The following ASB2 variants were observed in gnomAD, a reference collection of about 807,000 sequenced individuals.
ASB2 encodes ankyrin repeat and SOCS box containing 2.
In ASB2, 58 loss-of-function variants were observed where a neutral mutation model predicts 62.4. The observed-to-expected ratio is 0.93, with a 90% CI of 0.75 to 1.16. The LOEUF (loss-of-function observed/expected upper bound fraction) is 1.16. ASB2 is among the 50% of genes most tolerant of loss of function. The pLI is 0.00. For synonymous variants in ASB2, 386 were observed against 385.3 expected (o/e 1.00, Z -0.02); for missense variants, 928 against 887.9 (o/e 1.05, Z -0.57).
At chr14:93,938,878 C>T (rs970469730) in intron 8 of ASB2, among the ~76,000 whole-genome samples, 2 of 152,182 alleles carry the variant, frequency 1.3e-5, no homozygotes, top group African/African-American at 2.4e-5. Context: ...CCCTCCAAAG[C>T]TCCCTCCAAA....
chr14:93,951,748 A>C (rs1474759151), intron 5 of ASB2, among the ~76,000 whole-genome samples: 2 of 152,210 alleles, frequency 1.3e-5, no homozygotes, highest in Non-Finnish European at 2.9e-5. Flanking sequence ...CCACATTACC[A>C]AGGCTGGAAG....
Position 93,964,598 on chromosome 14 carries a change from G to A in ASB2, c.-59C>T. 1.3e-6 allele frequency: 2 copies of A among 1,487,238 alleles called. No homozygotes were observed. Among genetic ancestry groups the A allele is most frequent in the South Asian group, 2.4e-5 (2 of 83,160 alleles). 92.1% of individuals were successfully genotyped at this position (1,487,238 alleles called of 1,614,324 possible). ...GACACCCAGTGGGGAGGAGGGAACA[G>A]CAAATCAGAAAACCCTGTGAGGAAA... is the stretch of plus-strand genomic sequence containing the variant. On this transcript the variant is annotated 5_prime_UTR_variant, in exon 2 of 10. Coordinates refer to ENST00000555019, the MANE Select transcript of ASB2 (RefSeq NM_001202429.2).
In ASB2 at chr14:93,934,720, A is replaced by G; in HGVS notation, c.1844T>C (p.Leu615Pro). 6.2e-7 allele frequency: 1 copy of G among 1,614,032 alleles called. No homozygotes were observed. The highest frequency in any genetic ancestry group is 2.2e-5 in the East Asian group (1 of 44,890). Reference sequence around the variant, plus strand: ...GCCTGGGAGCGGCAAGGTGTCTAGGAGTTTTATACGGTATTTCCCAATGGC... The same window carrying G: ...GCCTGGGAGCGGCAAGGTGTCTAGGGGTTTTATACGGTATTTCCCAATGGC... ...RKAIGKYRIK[L>P]LDTLPLPGRL... The change falls in exon 10 of 10, where the codon CTC becomes CCC. Residue 615 changes from leucine to proline, a missense_variant. Leu to Pro is a moderately conservative substitution (Grantham distance 98, BLOSUM62 -3). Coordinates refer to ENST00000555019, the MANE Select transcript of ASB2 (RefSeq NM_001202429.2).
intron 7 of ASB2, among the ~76,000 whole-genome samples, chr14:93,943,215 C>T (rs1327332151): frequency 6.6e-6 from 1 of 152,152 alleles, no homozygotes; most frequent in South Asian, 2.1e-4. Context: ...GGCCCGTAGT[C>T]GGCAGTGAAT....
Position 93,934,270 on chromosome 14 carries a change from A to G in ASB2, c.*386T>C. 4.4e-6 allele frequency: 2 copies of G among 459,324 alleles called. No individual in the cohort carries two copies. Among genetic ancestry groups the G allele is most frequent in the Non-Finnish European group, 8.7e-6 (2 of 230,702 alleles). The allele number at this position is 459,324 out of a possible 1,614,324, so 28.5% of individuals were successfully genotyped here. The stretch of plus-strand genomic sequence containing the variant: ...CACGTCTTCATCTTAGTCTTTGGAG[A>G]GAAAGCTCTGAAGTCAAGTGGTGAG... On this transcript the variant is annotated 3_prime_UTR_variant, in exon 10 of 10. Coordinates refer to ENST00000555019, the MANE Select transcript of ASB2 (RefSeq NM_001202429.2).
chr14:93,941,759 C>T (rs1238968670), intron 7 of ASB2: 2 of 448,816 alleles, frequency 4.5e-6, no homozygotes, highest in African/African-American at 2.0e-5. Flanking sequence ...CACAGCTGGT[C>T]TCCGGCAGTT....
intron 9 of ASB2, 77 bp from the exon 10 acceptor site, chr14:93,934,869 T>A: frequency 7.9e-7 from 1 of 1,260,660 alleles, no homozygotes; most frequent in Non-Finnish European, 1.2e-6. Context: ...GACCCCAGCC[T>A]ATGGGAGGTG....
chr14:93,947,499 G>T lies in ASB2; in HGVS notation c.902C>A (p.Ala301Asp). 6.2e-7 allele frequency: 1 copy of T among 1,614,034 alleles called. No individual in the cohort carries two copies. The change falls in exon 7 of 10, where the codon GCC becomes GAC. Residue 301 changes from alanine (A) to aspartate (D), a missense_variant. Transcript: ENST00000555019. ...AKYGADINTQ[A>D]SDNASALYEA... ...GTAGAGGGCAGACGCGTTGTCGCTGGCCTGCGTGTTGATGTCAGCACCTGG... is the reference window on the plus strand; with the variant it reads ...GTAGAGGGCAGACGCGTTGTCGCTGTCCTGCGTGTTGATGTCAGCACCTGG...
chr14:93,934,870 A>G (rs1888218516), intron 9 of ASB2, 78 bp from the exon 10 acceptor site: 1 of 1,252,400 alleles, frequency 8.0e-7, no homozygotes, highest in African/African-American at 1.5e-5. Context: ...ACCCCAGCCT[A>G]TGGGAGGTGC....
intron 5 of ASB2, among the ~76,000 whole-genome samples, chr14:93,952,225 T>C (rs139443373): frequency 6.6e-6 from 1 of 152,306 alleles, no homozygotes; most frequent in East Asian, 1.9e-4. Flanking sequence ...AGTGAGACTG[T>C]GTGTAAGGCA....
chr14:93,953,459 A>G lies in ASB2; in HGVS notation c.527T>C (p.Val176Ala), dbSNP rs1016274803. The G allele has an allele frequency of 7.5e-6, 12 of 1,608,188 alleles. No individual in the cohort carries two copies. The Admixed American group carries it at 1.3e-4, about 18-fold the overall frequency. The change falls in exon 5 of 10, where the codon GTT becomes GCT. Residue 176 changes from valine to alanine, a missense_variant. By Grantham distance (64) the Val-to-Ala change is moderately conservative. Transcript: ENST00000555019. Reference sequence around the variant, plus strand: ...GTGGCCCCTGCACGTTGCCAAGTAAACGGCTGTTTCCTCCTGCAGGGTGCG... The same window carrying G: ...GTGGCCCCTGCACGTTGCCAAGTAAGCGGCTGTTTCCTCCTGCAGGGTGCG... ...DQRTLQEETA[V>A]YLATCRGHLD...
rs931183648 is a variant in ASB2, at chr14:93,954,473, G to A, written c.322C>T (p.Pro108Ser). 1.9e-6 allele frequency: 3 copies of A among 1,614,044 alleles called. No individual in the cohort carries two copies. The highest frequency in any genetic ancestry group is 2.5e-6 in the Non-Finnish European group (3 of 1,180,032). Residue 108 changes from proline to serine, a missense_variant, in exon 4 of 10, where the codon CCC becomes TCC. Pro to Ser is a moderately conservative substitution (Grantham distance 74). Coordinates refer to ENST00000555019, the MANE Select transcript of ASB2 (RefSeq NM_001202429.2). ...CCATCCTTGATGGCCTTTATCAAGGGGTCCGCAGGCCTGTGAGAGGAAGGA... is the reference window on the plus strand; with the variant it reads ...CCATCCTTGATGGCCTTTATCAAGGAGTCCGCAGGCCTGTGAGAGGAAGGA... Reference protein sequence around the residue: ...FKTSQLAPADPLIKAIKDGDE... With the variant: ...FKTSQLAPADSLIKAIKDGDE...
chr14:93,964,419 C>A lies in ASB2; in HGVS notation c.121G>T (p.Asp41Tyr). The A allele has an allele frequency of 6.5e-7, 1 of 1,536,138 alleles. No individual in the cohort carries two copies. The highest frequency in any genetic ancestry group is 8.7e-7 in the Non-Finnish European group (1 of 1,146,920). ...VQMAIEQSLA[D>Y]KTRGPTTAEA... Reference sequence around the variant, plus strand: ...GCAGTGGTTGGGCCCCTTGTCTTGTCCGCTAGGCTCTGCTCGATGGCCATC... The same window carrying A: ...GCAGTGGTTGGGCCCCTTGTCTTGTACGCTAGGCTCTGCTCGATGGCCATC... Residue 41 changes from aspartate (D) to tyrosine (Y), a missense_variant, in exon 2 of 10, where the codon GAC becomes TAC. Asp to Tyr is a radical substitution (Grantham distance 160). Coordinates refer to ENST00000555019, the MANE Select transcript of ASB2 (RefSeq NM_001202429.2).
intron 1 of ASB2, among the ~76,000 whole-genome samples, chr14:93,975,696 A>T (rs2141328280): frequency 1.3e-5 from 2 of 152,116 alleles, no homozygotes; most frequent in Middle Eastern, 6.8e-3. Context: ...GCCACATTTC[A>T]CTTTCCATCA....
intron 2 of ASB2, among the ~76,000 whole-genome samples, chr14:93,959,456 G>A (rs1228398228): frequency 6.6e-6 from 1 of 152,188 alleles, no homozygotes; most frequent in Non-Finnish European, 1.5e-5. Flanking sequence ...AGGGCCCCTG[G>A]CTGGGTTTCG....
chr14:93,972,708 C>A (rs1889794202), intron 1 of ASB2, among the ~76,000 whole-genome samples: 1 of 152,236 alleles, frequency 6.6e-6, no homozygotes. Flanking sequence ...AATGCTCTGA[C>A]CTTGGTAAGG....
Position 93,939,600 on chromosome 14 carries a change from C to A in ASB2, c.1125G>T (p.Leu375=). ...CCTCGTCGTGGTTGCGCTCGGCCGC[C>A]AGGTGCAGCGGACTGACGCCGCTAC... ...IRRSGVSPLH[L]AAERNHDEVL... Residue 375 remains leucine (L), a synonymous_variant, in exon 8 of 10, where the codon CTG becomes CTT. Coordinates refer to ENST00000555019, the MANE Select transcript of ASB2 (RefSeq NM_001202429.2). 1 of 1,566,938 alleles carries A rather than the reference C, an allele frequency of 6.4e-7. No homozygotes were observed. Among genetic ancestry groups the A allele is most frequent in the Non-Finnish European group, 8.6e-7 (1 of 1,162,508 alleles).
At chr14:93,953,542 A>G (rs4243701) in intron 4 of ASB2, 35 bp from the exon 5 acceptor site, 1,363,424 of 1,539,210 alleles carry the variant, frequency 0.89, 605,580 homozygotes, top group East Asian at 1. Flanking sequence ...CATGTAGGAG[A>G]AAGATACTCA....
intron 2 of ASB2, among the ~76,000 whole-genome samples, chr14:93,958,900 A>G (rs961054499): frequency 2.6e-5 from 4 of 152,208 alleles, no homozygotes; most frequent in Non-Finnish European, 5.9e-5. Context: ...AAGCACTGGG[A>G]AAAAGCCCAC....
Sources: allele counts gnomAD v4.1 joint callset (sites outside exome capture counted in the v4.1 genomes callset), GRCh38; gene constraint gnomAD v4.1.1; transcripts MANE v1.5; gene names NCBI Gene and HGNC (gene_info 2026-07-23, HGNC 2026-07-21).